The following SETD3 variants were observed in gnomAD, a reference collection of about 807,000 sequenced individuals.
SETD3 encodes the protein actin-histidine N-methyltransferase.
In SETD3, 19 loss-of-function variants were observed where a neutral mutation model predicts 63.0. The observed-to-expected ratio is 0.30, with a 90% confidence interval of 0.21 to 0.44. The LOEUF is 0.44. Ranked by LOEUF, SETD3 falls within the 20% of genes least tolerant of loss-of-function variation. The probability of loss-of-function intolerance (pLI) is 1.00; values close to 1 mark genes in which losing one functional copy is unlikely to be tolerated. For synonymous variants in SETD3, 286 were observed against 264.1 expected, an observed-to-expected ratio of 1.08 and a Z score of -0.80; for missense variants, 587 against 728.5, an observed-to-expected ratio of 0.81 and a Z score of 2.24.
intron 6 of SETD3, among the ~76,000 whole-genome samples, chr14:99,451,242 T>A (rs1388380640): frequency 6.6e-6 from 1 of 152,220 alleles, no homozygotes. Flanking sequence ...TATGTTCTGA[T>A]CTGCTAGTAT....
chr14:99,418,928 C>T (rs1255377867), intron 6 of SETD3, among the ~76,000 whole-genome samples: 2 of 152,160 alleles, frequency 1.3e-5, no homozygotes, highest in Admixed American at 1.3e-4. Flanking sequence ...AATGCAGGCT[C>T]ATAAGCAGCA....
intron 6 of SETD3, among the ~76,000 whole-genome samples, chr14:99,451,597 C>A (rs1195001671): frequency 6.6e-6 from 1 of 152,064 alleles, no homozygotes; most frequent in East Asian, 1.9e-4. Context: ...GCCTCAACTT[C>A]CTGTGTTTAA....
chr14:99,409,001 C>T (rs1054604804), intron 8 of SETD3, among the ~76,000 whole-genome samples: 1 of 152,166 alleles, frequency 6.6e-6, no homozygotes, highest in Admixed American at 6.5e-5. Flanking sequence ...CCACCTACGC[C>T]CAGAAATCTG....
intron 12 of SETD3, 133 bp from the exon 13 acceptor site, chr14:99,399,258 G>T: frequency 1.5e-6 from 1 of 650,450 alleles, no homozygotes; most frequent in Non-Finnish European, 2.7e-6. Flanking sequence ...ACTTGACTGG[G>T]CAGGTGGTCG....
intron 8 of SETD3, 50 bp from the exon 9 acceptor site, chr14:99,406,640 T>C (rs2139623341): frequency 6.6e-7 from 1 of 1,520,484 alleles, no homozygotes; most frequent in East Asian, 2.3e-5. Flanking sequence ...CACACGCACA[T>C]CTCACTTAAT....
intron 10 of SETD3, 118 bp from the exon 11 acceptor site, chr14:99,404,428 G>T: frequency 2.3e-6 from 2 of 864,662 alleles, no homozygotes; most frequent in Non-Finnish European, 3.7e-6. Flanking sequence ...GAGCTGGAAT[G>T]GGTCATTCCA....
At chr14:99,458,635 T>A in intron 5 of SETD3, 100 bp from the exon 6 acceptor site, 2 of 1,411,364 alleles carry the variant, frequency 1.4e-6, no homozygotes, top group Non-Finnish European at 1.9e-6. Context: ...AAAGGTCTTG[T>A]AACATTTAAA....
upstream of SETD3, chr14:99,481,348 C>T (rs947063788): frequency 2.5e-6 from 1 of 398,532 alleles, no homozygotes; most frequent in Non-Finnish European, 4.4e-6. Context: ...GCATCCTACT[C>T]TCTCCGCCCC....
At position 99,433,897 on chromosome 14, in the gene SETD3, C is replaced by CA. The variant is rs578180594; in HGVS notation, c.676-19964dup. 4.6e-5 allele frequency among the ~76,000 whole-genome samples: 7 copies of CA among 152,254 alleles called. No individual in the cohort carries two copies. In the South Asian group the frequency reaches 1.5e-3, roughly 32 times the overall value. On this transcript the variant is annotated intron_variant, in intron 6 of 12. Coordinates refer to ENST00000331768, the MANE Select transcript of SETD3 (RefSeq NM_032233.3). ...ATACTACATGTCCATCAGAATATCG[C>CA]AAAAAACCAAGCGCTAATGAGGGAG...
intron 7 of SETD3, among the ~76,000 whole-genome samples, chr14:99,413,600 C>T (rs1342819911): frequency 1.3e-5 from 2 of 152,164 alleles, no homozygotes; most frequent in African/African-American, 4.8e-5. Flanking sequence ...AAGAAAAATC[C>T]ATAGGACCAC....
At chr14:99,481,165 G>A (rs949081878), upstream of SETD3, 4 of 368,064 alleles carry the variant, frequency 1.1e-5, no homozygotes, top group Non-Finnish European at 1.9e-5. Flanking sequence ...CCGTTAGCAG[G>A]TTCGGTTGCT....
At chr14:99,481,419 A>T (rs1159949534), upstream of SETD3, 2 of 398,580 alleles carry the variant, frequency 5.0e-6, no homozygotes, top group African/African-American at 4.1e-5. Context: ...GACATTCCAT[A>T]TACAAGATGG....
At chr14:99,462,384 C>T (rs1895117959) in intron 3 of SETD3, among the ~76,000 whole-genome samples, 2 of 152,294 alleles carry the variant, frequency 1.3e-5, no homozygotes, top group South Asian at 2.1e-4. Context: ...TGGCACATAG[C>T]TCAGGCGCCT....
chr14:99,481,388 A>G, upstream of SETD3: 3 of 398,448 alleles, frequency 7.5e-6, no homozygotes, highest in Middle Eastern at 1.3e-3. Context: ...CTCAGGACGC[A>G]GCGTGATGAC....
intron 10 of SETD3, 123 bp downstream of exon 10, chr14:99,405,082 G>T: frequency 7.5e-7 from 1 of 1,332,026 alleles, no homozygotes; most frequent in Non-Finnish European, 1.0e-6. Context: ...GCTGTGCCAC[G>T]GGGATAAACG....
chr14:99,460,221 T>C (rs946663822), intron 4 of SETD3, among the ~76,000 whole-genome samples: 1 of 152,150 alleles, frequency 6.6e-6, no homozygotes, highest in Non-Finnish European at 1.5e-5. Flanking sequence ...GTATCTAATA[T>C]ACCAGCATGT....
chr14:99,400,933 C>T (rs1227985366), intron 11 of SETD3, among the ~76,000 whole-genome samples: 1 of 152,072 alleles, frequency 6.6e-6, no homozygotes, highest in Non-Finnish European at 1.5e-5. Flanking sequence ...TGAGCCCAGG[C>T]GTTTGAGACC....
At chr14:99,442,733 G>A (rs574586700) in intron 6 of SETD3, among the ~76,000 whole-genome samples, 16 of 152,250 alleles carry the variant, frequency 1.1e-4, no homozygotes, top group Admixed American at 2.6e-4. Flanking sequence ...AACTGTTTGC[G>A]TTACTGGTAA....
intron 9 of SETD3, 108 bp from the exon 10 acceptor site, chr14:99,405,479 T>C: frequency 2.6e-6 from 3 of 1,138,828 alleles, no homozygotes; most frequent in Non-Finnish European, 1.2e-6. Flanking sequence ...AGACACTAAA[T>C]AGCTGAAAGT....
Sources: gnomAD v4.1 joint callset for allele counts (sites outside exome capture counted in the v4.1 genomes callset) on GRCh38, gnomAD v4.1.1 for gene constraint, MANE v1.5 for transcripts, NCBI Gene and HGNC (gene_info 2026-07-23, HGNC 2026-07-21) for gene names.